The following SDK1 variants were observed in gnomAD, a reference collection of about 807,000 sequenced individuals.
SDK1 encodes the protein sidekick cell adhesion molecule 1.
A neutral mutation model predicts 245.5 loss-of-function variants in SDK1; 157 were observed. That is an observed-to-expected ratio of 0.64 (90% confidence interval 0.56 to 0.73). SDK1 has a LOEUF of 0.73. Among genes scored for constraint, SDK1 ranks in the 30% least tolerant of loss-of-function variants. The pLI is 0.00. For missense variants in SDK1, 3,583 were observed against 3,002.3 expected (o/e 1.19, Z -4.52); for synonymous variants, 1,647 against 1,278.5 (o/e 1.29, Z -6.15).
intron 4 of SDK1, among the ~76,000 whole-genome samples, chr7:3,703,496 G>A (rs943129515): frequency 7.9e-5 from 12 of 152,206 alleles, no homozygotes; most frequent in African/African-American, 2.2e-4. Context: ...TAGCAAGAGG[G>A]AGGTGTGTAT....
intron 5 of SDK1, among the ~76,000 whole-genome samples, chr7:3,929,125 G>A (rs907922190): frequency 1.3e-5 from 2 of 152,212 alleles, no homozygotes; most frequent in Non-Finnish European, 2.9e-5. Flanking sequence ...TTTTACTATG[G>A]GTGGGAAACC....
At chr7:4,151,887 G>T (rs957048772) in intron 30 of SDK1, among the ~76,000 whole-genome samples, 1 of 152,168 alleles carries the variant, frequency 6.6e-6, no homozygotes, top group African/African-American at 2.4e-5. Flanking sequence ...GTCACATTCC[G>T]TGAGCCAGAG....
At chr7:3,730,095 T>G (rs1291055946) in intron 4 of SDK1, among the ~76,000 whole-genome samples, 1 of 152,080 alleles carries the variant, frequency 6.6e-6, no homozygotes, top group Non-Finnish European at 1.5e-5. Context: ...GCAGGAAATA[T>G]TTGTCCTCAT....
intron 4 of SDK1, among the ~76,000 whole-genome samples, chr7:3,718,496 T>C (rs1421647913): frequency 6.6e-6 from 1 of 151,532 alleles, no homozygotes; most frequent in African/African-American, 2.4e-5. Flanking sequence ...CACTCCAGCC[T>C]GGGTGACAAA....
chr7:3,927,709 T>G (rs1261087367), intron 5 of SDK1, among the ~76,000 whole-genome samples: 1 of 152,258 alleles, frequency 6.6e-6, no homozygotes, highest in Non-Finnish European at 1.5e-5. Flanking sequence ...GAACATACTT[T>G]GGCCACTTTG....
At chr7:4,079,024 G>A (rs769393399) in intron 21 of SDK1, among the ~76,000 whole-genome samples, 15 of 152,210 alleles carry the variant, frequency 9.9e-5, no homozygotes, top group Non-Finnish European at 2.2e-4. Context: ...CTGGGCCTAT[G>A]CACTCTTCCC....
intron 14 of SDK1, among the ~76,000 whole-genome samples, chr7:4,010,001 C>T (rs1289258690): frequency 6.6e-6 from 1 of 152,186 alleles, no homozygotes; most frequent in Non-Finnish European, 1.5e-5. Context: ...CTGCCTAGCC[C>T]AACACTATGG....
At chr7:3,764,555 C>G (rs1419392435) in intron 4 of SDK1, among the ~76,000 whole-genome samples, 1 of 151,906 alleles carries the variant, frequency 6.6e-6, no homozygotes, top group South Asian at 2.1e-4. Flanking sequence ...GCATGGTGGC[C>G]CTTGTAATCC....
intron 4 of SDK1, among the ~76,000 whole-genome samples, chr7:3,716,792 A>G (rs1785215439): frequency 6.6e-6 from 1 of 151,830 alleles, no homozygotes; most frequent in Non-Finnish European, 1.5e-5. Context: ...AAGAAAAAGG[A>G]AAAATCAAAC....
At position 3,397,242 on chromosome 7, in the gene SDK1, C is replaced by G. The variant is rs534175414; in HGVS notation, c.298+95358C>G. ...AAAACAAATAGGAGAAAAGCGTTCTCAAAAACAATTATATTGTATTTTATA... is the reference window on the plus strand; with the variant it reads ...AAAACAAATAGGAGAAAAGCGTTCTGAAAAACAATTATATTGTATTTTATA... On this transcript the variant is annotated intron_variant, in intron 1 of 44. Transcript: ENST00000404826. 3.3e-5 allele frequency among the ~76,000 whole-genome samples: 5 copies of G among 151,940 alleles called. 1 individual carries two copies. Among genetic ancestry groups the G allele is most frequent in the African/African-American group, 1.2e-4 (5 of 41,520 alleles).
At chr7:3,953,329 G>T (rs1348058550) in intron 7 of SDK1, among the ~76,000 whole-genome samples, 2 of 152,192 alleles carry the variant, frequency 1.3e-5, no homozygotes, top group African/African-American at 4.8e-5. Context: ...GTGCAAACCT[G>T]TCGGTCCCTC....
intron 20 of SDK1, among the ~76,000 whole-genome samples, chr7:4,074,487 G>A (rs908667900): frequency 1.3e-5 from 2 of 152,118 alleles, no homozygotes; most frequent in African/African-American, 2.4e-5. Flanking sequence ...TGTTGTGAGG[G>A]TTACATGAAT....
At chr7:4,186,829 T>C (rs1782926957) in intron 35 of SDK1, among the ~76,000 whole-genome samples, 1 of 152,156 alleles carries the variant, frequency 6.6e-6, no homozygotes, top group African/African-American at 2.4e-5. Flanking sequence ...GGTACAGGCA[T>C]GGCCCTTCTT....
intron 1 of SDK1, among the ~76,000 whole-genome samples, chr7:3,610,041 C>G (rs1294593587): frequency 1.3e-5 from 2 of 152,180 alleles, no homozygotes; most frequent in African/African-American, 2.4e-5. Context: ...AGTACTTGCT[C>G]TAAACTCAAA....
intron 40 of SDK1, chr7:4,233,042 G>A (rs564410540): frequency 2.5e-5 from 13 of 515,006 alleles, no homozygotes; most frequent in Middle Eastern, 4.8e-4. Context: ...CATTGAGCAC[G>A]TTGTTCTACA....
At chr7:3,488,989 G>A (rs1309051354) in intron 1 of SDK1, among the ~76,000 whole-genome samples, 1 of 151,956 alleles carries the variant, frequency 6.6e-6, no homozygotes, top group African/African-American at 2.4e-5. Context: ...GTGGAATGGT[G>A]TTACATGTCC....
chr7:3,700,143 A>G (rs370912375), intron 4 of SDK1, among the ~76,000 whole-genome samples: 2 of 152,214 alleles, frequency 1.3e-5, no homozygotes, highest in Admixed American at 6.5e-5. Context: ...AGACATTCTC[A>G]AATGAAGGGA....
intron 38 of SDK1, among the ~76,000 whole-genome samples, chr7:4,217,350 C>T (rs1306464739): frequency 2.6e-4 from 32 of 120,980 alleles, no homozygotes; most frequent in Admixed American, 8.0e-4. Context: ...CCACGCCACC[C>T]GGAGAACCAG....
At chr7:3,671,606 A>C (rs1293262558) in intron 4 of SDK1, among the ~76,000 whole-genome samples, 1 of 152,226 alleles carries the variant, frequency 6.6e-6, no homozygotes, top group Non-Finnish European at 1.5e-5. Flanking sequence ...CTGAGTCAAT[A>C]GAAAAAAATC....
Sources: allele counts gnomAD v4.1 joint callset (sites outside exome capture counted in the v4.1 genomes callset), GRCh38; gene constraint gnomAD v4.1.1; transcripts MANE v1.5; gene names NCBI Gene and HGNC (gene_info 2026-07-23, HGNC 2026-07-21).